CFAP251: variants seen among roughly 807,000 people sequenced by gnomAD.
CFAP251 encodes cilia and flagella associated protein 251, also known as cilia- and flagella-associated protein 251.
A neutral mutation model predicts 126.7 loss-of-function variants in CFAP251; 93 were observed. The observed-to-expected ratio is 0.73, with a 90% confidence interval of 0.62 to 0.87. The LOEUF is 0.87. Ranked by LOEUF, CFAP251 falls within the 40% of genes least tolerant of loss-of-function variation. CFAP251 has a pLI of 0.00. For synonymous variants in CFAP251, 503 were observed against 506.9 expected, an observed-to-expected ratio of 0.99 and a Z score of 0.10; for missense variants, 1,287 against 1,389.2, an observed-to-expected ratio of 0.93 and a Z score of 1.17.
At chr12:121,978,414 A>AAAAAAAAAAAAAC (rs1882535094) in intron 19 of CFAP251, among the ~76,000 whole-genome samples, 1 of 148,910 alleles carries the variant, frequency 6.7e-6, no homozygotes, top group Non-Finnish European at 1.5e-5. Context: ...AAAAAAAAAA[A>AAAAAAAAAAAAAC]AAAAAAATTA....
chr12:121,939,795 C>T (rs1490113667), intron 5 of CFAP251, among the ~76,000 whole-genome samples: 3 of 152,144 alleles, frequency 2.0e-5, no homozygotes, highest in African/African-American at 2.4e-5. Context: ...GTTTTTCGCT[C>T]AGCTTAAAAA....
intron 19 of CFAP251, chr12:121,992,135 C>T (rs1882890166): frequency 1.1e-6 from 1 of 906,176 alleles, no homozygotes. Context: ...ACCAGTGCGT[C>T]TGGGCCGCTC....
In CFAP251 at chr12:121,960,624, A is replaced by G; in HGVS notation, c.2173A>G (p.Arg725Gly). 1.9e-6 allele frequency: 3 copies of G among 1,614,172 alleles called. 1 individual carries two copies. The South Asian group carries it at 3.3e-5, about 18-fold the overall frequency. ...TGTGGCTGTTTACATGCTGGTGGTC[A>G]GAAATGGACAGAGGGTCTGGGAGTA... ...FTVAVYMLVV[R>G]NGQRVWEYLA... Residue 725 changes from arginine (R) to glycine (G), a missense_variant, in exon 14 of 22, where the codon AGA (arginine) becomes GGA (glycine). Physicochemically the swap from Arg to Gly is moderately radical, Grantham distance 125 (BLOSUM62 -2). Transcript: ENST00000288912.
intron 3 of CFAP251, among the ~76,000 whole-genome samples, chr12:121,930,556 T>C (rs547515716): frequency 7.0e-4 from 107 of 152,202 alleles, no homozygotes; most frequent in Non-Finnish European, 1.4e-3. Context: ...TAAACTAGTA[T>C]TGAAGTAAAA....
At chr12:121,967,656 C>T (rs1882192801) in intron 16 of CFAP251, among the ~76,000 whole-genome samples, 1 of 152,076 alleles carries the variant, frequency 6.6e-6, no homozygotes, top group African/African-American at 2.4e-5. Context: ...AAGCCGAGAT[C>T]GCGCCACTGC....
rs998447959 is a variant in CFAP251, at chr12:121,969,218, C to A, written c.2771+1049C>A. The A allele has an allele frequency of 1.7e-5, 17 of 985,320 alleles. No homozygotes were observed. In the African/African-American group the frequency reaches 3.0e-4, roughly 17 times the overall value. 61.0% of individuals were successfully genotyped at this position (985,320 alleles called of 1,614,324 possible). A position where few individuals can be genotyped will look rare whatever the true frequency, so the allele number is the denominator to read the frequency against. ...TATGGCAGATATTGAAGCTTCTACT[C>A]TTAACCTGAATATGAGCAAAAATAG... On this transcript the variant is annotated intron_variant, in intron 17 of 21. Coordinates refer to ENST00000288912, the MANE Select transcript of CFAP251 (RefSeq NM_144668.6).
At chr12:121,956,517 C>T (rs142209284) in intron 10 of CFAP251, among the ~76,000 whole-genome samples, 71 of 152,170 alleles carry the variant, frequency 4.7e-4, no homozygotes, top group Middle Eastern at 3.4e-3. Context: ...TTTTTTGAGA[C>T]GGAGTTTTGT....
In CFAP251 at chr12:121,958,315, A is replaced by G. The variant is rs370504498; in HGVS notation, c.1774A>G (p.Thr592Ala). 6.2e-7 allele frequency: 1 copy of G among 1,614,210 alleles called. No individual in the cohort carries two copies. The highest frequency in any genetic ancestry group is 8.5e-7 in the Non-Finnish European group (1 of 1,180,034). Residue 592 changes from threonine to alanine, a missense_variant, in exon 12 of 22, where the codon ACA (threonine) becomes GCA (alanine). Thr to Ala is a moderately conservative substitution (Grantham distance 58). Transcript: ENST00000288912. Reference protein sequence around the residue: ...GTSDAAVYHLTTDGTKLEKLF... With the variant: ...GTSDAAVYHLATDGTKLEKLF... ...ATCTGATGCCGCGGTGTACCACTTA[A>G]CAACAGATGGGACCAAACTTGAGAA... is the stretch of plus-strand genomic sequence containing the variant.
chr12:121,953,381 ATTAT>A (rs1398474174), intron 9 of CFAP251: 4 of 152,250 alleles, frequency 2.6e-5, no homozygotes, highest in Admixed American at 2.0e-4. Flanking sequence ...AGTGAGTAAA[ATTAT>A]TTGTCACACT....
rs558237886 is a variant in CFAP251, at chr12:121,921,747, G to A, written c.378+64G>A. On this transcript the variant is annotated intron_variant, in intron 2 of 21. Coordinates refer to ENST00000288912, the MANE Select transcript of CFAP251 (RefSeq NM_144668.6). ...AATCATTAGTTGAATGCTTAGTATA[G>A]GCCAGACTATGGGAACACAAAACCA... 29 of 1,496,678 alleles carry A rather than the reference G, an allele frequency of 1.9e-5. No individual in the cohort carries two copies. The East Asian group carries it at 3.2e-4, about 16-fold the overall frequency. 92.7% of individuals were successfully genotyped at this position (1,496,678 alleles called of 1,614,324 possible).
chr12:121,920,420 G>A (rs1180801912), intron 1 of CFAP251, among the ~76,000 whole-genome samples: 12 of 136,996 alleles, frequency 8.8e-5, no homozygotes, highest in South Asian at 7.0e-4. Flanking sequence ...TTTTTGAGAC[G>A]GAGTCTCGCT....
In CFAP251 at chr12:121,918,985, C is replaced by T. The variant is rs1297368659; in HGVS notation, c.-21+290C>T. Among the ~76,000 whole-genome samples, 1 of 152,080 alleles carries T rather than the reference C, an allele frequency of 6.6e-6. No homozygotes were observed. Among genetic ancestry groups the T allele is most frequent in the African/African-American group, 2.4e-5 (1 of 41,422 alleles). On this transcript the variant is annotated intron_variant, in intron 1 of 21. Coordinates refer to ENST00000288912, the MANE Select transcript of CFAP251 (RefSeq NM_144668.6). This position sits in a 1 kb window ranked among gnomAD's most constrained non-coding sequence, Gnocchi z 4.3. ...GTCAAAAGAGGCTCGGTGGTGAGAGCCCTAGACTTGATTCAGAGCAGTGAT... is the reference window on the plus strand; with the variant it reads ...GTCAAAAGAGGCTCGGTGGTGAGAGTCCTAGACTTGATTCAGAGCAGTGAT...
intron 7 of CFAP251, among the ~76,000 whole-genome samples, chr12:121,946,649 G>A (rs1881337282): frequency 6.6e-6 from 1 of 152,158 alleles, no homozygotes; most frequent in Non-Finnish European, 1.5e-5. Flanking sequence ...CTAGGCTGAA[G>A]TGCAGTGGCA....
chr12:121,931,003 C>G (rs1416676909), intron 3 of CFAP251, among the ~76,000 whole-genome samples: 1 of 152,192 alleles, frequency 6.6e-6, no homozygotes, highest in Non-Finnish European at 1.5e-5. Context: ...CCCACCTCAG[C>G]CTCCCAAAGT....
At chr12:121,963,798 G>GTCAAA (rs1183869965) in intron 15 of CFAP251, among the ~76,000 whole-genome samples, 4 of 151,084 alleles carry the variant, frequency 2.6e-5, no homozygotes, top group Non-Finnish European at 5.9e-5. Context: ...GTCAAACAGG[G>GTCAAA]CAGGACTTGA....
In CFAP251 at chr12:121,958,846, G is replaced by T; in HGVS notation, c.1982-97G>T. ...GCACGGGAGCTTTGTTGTGTTAGTT[G>T]CTGTCTTCTCCGCACCCAGAACAAA... On this transcript the variant is annotated intron_variant, in intron 12 of 21. Transcript: ENST00000288912. The T allele has an allele frequency of 5.7e-6, 8 of 1,391,758 alleles. No individual in the cohort carries two copies. The South Asian group carries it at 1.1e-4, about 20-fold the overall frequency. The allele number at this position is 1,391,758 out of a possible 1,614,324, so 86.2% of individuals were successfully genotyped here.
At chr12:121,952,410 AC>A (rs1057459811) in intron 9 of CFAP251, among the ~76,000 whole-genome samples, 7 of 148,736 alleles carry the variant, frequency 4.7e-5, no homozygotes, top group African/African-American at 1.8e-4. Context: ...ACAGAACAAG[AC>A]CCTGTATATA....
At chr12:121,947,425 C>G (rs1251434237) in intron 7 of CFAP251, among the ~76,000 whole-genome samples, 3 of 151,954 alleles carry the variant, frequency 2.0e-5, no homozygotes, top group Non-Finnish European at 4.4e-5. Context: ...TGCTTTTTCC[C>G]CTTGGTTTTC....
At chr12:121,932,108 A>T (rs1359286282) in intron 4 of CFAP251, 1 of 351,954 alleles carries the variant, frequency 2.8e-6, no homozygotes, top group Non-Finnish European at 4.9e-6. Flanking sequence ...TATTAATTTT[A>T]TAGTGAGAAT....
Sources: allele counts gnomAD v4.1 joint callset (sites outside exome capture counted in the v4.1 genomes callset), GRCh38; gene constraint gnomAD v4.1.1; non-coding constraint Gnocchi (gnomAD v3.1); transcripts MANE v1.5; gene names NCBI Gene and HGNC (gene_info 2026-07-23, HGNC 2026-07-21).